TMOD1: variants seen among roughly 807,000 people sequenced by gnomAD.
TMOD1 encodes tropomodulin 1.
In TMOD1, 17 loss-of-function variants were observed where a neutral mutation model predicts 40.6. The observed-to-expected ratio is 0.42, with a 90% confidence interval of 0.29 to 0.63. TMOD1 has a LOEUF of 0.63. Ranked by LOEUF, TMOD1 falls within the 20% of genes least tolerant of loss-of-function variation. The pLI, the probability that TMOD1 is intolerant of heterozygous loss-of-function variation, is 0.22. For synonymous variants in TMOD1, 181 were observed against 175.0 expected (o/e 1.03, Z -0.27); for missense variants, 391 against 447.6 (o/e 0.87, Z 1.14).
At chr9:97,599,569 G>A in intron 9 of TMOD1, 65 bp from the exon 10 acceptor site, 9 of 1,606,214 alleles carry the variant, frequency 5.6e-6, no homozygotes, top group Non-Finnish European at 7.7e-6. Context: ...TGCTTTCTCA[G>A]CAACAGTGCT....
chr9:97,529,404 CAACA>C (rs1185994113), intron 2 of TMOD1, among the ~76,000 whole-genome samples: 1 of 152,110 alleles, frequency 6.6e-6, no homozygotes, highest in African/African-American at 2.4e-5. Flanking sequence ...TACCTGAATT[CAACA>C]AACACTTCAA....
chr9:97,559,815 ATATATATATGTCTATC>A (rs1289264059), intron 4 of TMOD1, among the ~76,000 whole-genome samples: 1 of 53,146 alleles, frequency 1.9e-5, no homozygotes, highest in Non-Finnish European at 3.5e-5. Context: ...ATATATATAT[ATATATATATGTCTATC>A]TATCTATCTA....
At chr9:97,528,838 C>T (rs1484121223) in intron 2 of TMOD1, among the ~76,000 whole-genome samples, 1 of 152,244 alleles carries the variant, frequency 6.6e-6, no homozygotes, top group African/African-American at 2.4e-5. Flanking sequence ...AGGCCACTGC[C>T]CTCTCTGTTA....
chr9:97,524,405 C>T (rs2131221918), intron 2 of TMOD1, 97 bp downstream of exon 2: 2 of 1,437,724 alleles, frequency 1.4e-6, no homozygotes. Context: ...CTTTTTCCTT[C>T]CATGGCAATG....
At chr9:97,536,705 A>G (rs7872664) in intron 2 of TMOD1, among the ~76,000 whole-genome samples, 125,826 of 151,552 alleles carry the variant, frequency 0.83, 52,630 homozygotes, top group African/African-American at 0.93. Flanking sequence ...TATGACTTCA[A>G]GTGAGGCCCC....
chr9:97,601,051 G>A lies in TMOD1; in HGVS notation c.*1353G>A. 1 of 1,303,998 alleles carries A rather than the reference G, an allele frequency of 7.7e-7. No individual in the cohort carries two copies. The highest frequency in any genetic ancestry group is 1.0e-6 in the Non-Finnish European group (1 of 988,822). 80.8% of individuals were successfully genotyped at this position (1,303,998 alleles called of 1,614,324 possible). ...GAAGGCCTGCGCACTGAACTGTAAG[G>A]CAGTGGGCAGTACAGGGTAACTGGA... On this transcript the variant is annotated 3_prime_UTR_variant, in exon 10 of 10. Coordinates refer to ENST00000259365, the MANE Select transcript of TMOD1 (RefSeq NM_003275.4).
intron 9 of TMOD1, among the ~76,000 whole-genome samples, chr9:97,595,533 CTTTTT>C (rs71487335): frequency 2.5e-5 from 3 of 121,682 alleles, no homozygotes; most frequent in East Asian, 2.3e-4. Flanking sequence ...AACAAATTTC[CTTTTT>C]TTTTTTTTTT....
intron 2 of TMOD1, among the ~76,000 whole-genome samples, chr9:97,531,749 C>G (rs897476244): frequency 6.6e-6 from 1 of 152,082 alleles, no homozygotes; most frequent in African/African-American, 2.4e-5. Context: ...TACGCGGTAC[C>G]GGTAGAGAAA....
In TMOD1 at chr9:97,502,672, G is replaced by T. The variant is rs1465243210; in HGVS notation, c.-49+869G>T. The stretch of plus-strand genomic sequence containing the variant: ...CACATGCGGAGACGCTGCAGAAATC[G>T]GAGACTGACTGCCCCAGACTCGATC... On this transcript the variant is annotated intron_variant, in intron 1 of 9. Coordinates refer to ENST00000259365, the MANE Select transcript of TMOD1 (RefSeq NM_003275.4). This position sits in a 1 kb window ranked among gnomAD's most constrained non-coding sequence, Gnocchi z 6.1. 6.6e-6 allele frequency among the ~76,000 whole-genome samples: 1 copy of T among 152,154 alleles called. No individual in the cohort carries two copies.
In TMOD1 at chr9:97,503,677, C is replaced by T. The variant is rs1255553587; in HGVS notation, c.-49+1874C>T. 3.3e-5 allele frequency among the ~76,000 whole-genome samples: 5 copies of T among 152,338 alleles called. No homozygotes were observed. In the East Asian group the frequency reaches 9.6e-4, roughly 29 times the overall value. Reference sequence around the variant, plus strand: ...CTTATCAGGGTCTCACACCTTCTCCCTCCTTCAGGGTAGGGCGTTTTCTTG... The same window carrying T: ...CTTATCAGGGTCTCACACCTTCTCCTTCCTTCAGGGTAGGGCGTTTTCTTG... On this transcript the variant is annotated intron_variant, in intron 1 of 9. Transcript: ENST00000259365.
intron 2 of TMOD1, among the ~76,000 whole-genome samples, chr9:97,540,347 G>A (rs775869296): frequency 4.6e-5 from 7 of 152,302 alleles, no homozygotes; most frequent in Admixed American, 2.6e-4. Flanking sequence ...GTGTTCTCAC[G>A]GTGACTGGTT....
chr9:97,558,967 C>T (rs182537366), intron 4 of TMOD1, among the ~76,000 whole-genome samples: 2 of 152,306 alleles, frequency 1.3e-5, no homozygotes, highest in Admixed American at 6.5e-5. Context: ...CTTGGTCTCC[C>T]AGCAGTCTCG....
chr9:97,515,872 A>G (rs541469118), intron 1 of TMOD1, among the ~76,000 whole-genome samples: 1 of 151,980 alleles, frequency 6.6e-6, no homozygotes, highest in African/African-American at 2.4e-5. Context: ...AGGTGACAAC[A>G]CGCCCCCGGG....
chr9:97,505,584 C>T (rs1048988202), intron 1 of TMOD1, among the ~76,000 whole-genome samples: 1 of 152,182 alleles, frequency 6.6e-6, no homozygotes, highest in Non-Finnish European at 1.5e-5. Flanking sequence ...CTTGGTGCCA[C>T]TCCTACCCCT....
Position 97,557,047 on chromosome 9 carries a change from T to A in TMOD1, c.397+3647T>A, listed in dbSNP as rs1342081242. On this transcript the variant is annotated intron_variant, in intron 4 of 9. Coordinates refer to ENST00000259365, the MANE Select transcript of TMOD1 (RefSeq NM_003275.4). This position sits in a 1 kb window ranked among gnomAD's most constrained non-coding sequence, Gnocchi z 4.4. ...TTCACCTAACTGCTCACTAAGCCAG[T>A]GCACATTATTGAACTCCTACTGTAT... is the stretch of plus-strand genomic sequence containing the variant. 1.3e-5 allele frequency among the ~76,000 whole-genome samples: 2 copies of A among 152,174 alleles called. No homozygotes were observed. The highest frequency in any genetic ancestry group is 3.9e-4 in the East Asian group (2 of 5,190).
rs763478524 is a variant in TMOD1, at chr9:97,565,963, C to T, written c.726+8C>T. 5 of 1,610,678 alleles carry T rather than the reference C, an allele frequency of 3.1e-6. No individual in the cohort carries two copies. The African/African-American group carries it at 6.7e-5, about 22-fold the overall frequency. On this transcript the variant is annotated splice_region_variant and intron_variant, in intron 7 of 9. Coordinates refer to ENST00000259365, the MANE Select transcript of TMOD1 (RefSeq NM_003275.4). ...AATGACCCCGTGGCGTATGTATGTA[C>T]CTTTCTGTTCTGTTGCATTGTGGCT... is the stretch of plus-strand genomic sequence containing the variant.
At chr9:97,562,345 G>T (rs1337115293) in intron 4 of TMOD1, among the ~76,000 whole-genome samples, 3 of 152,184 alleles carry the variant, frequency 2.0e-5, no homozygotes, top group African/African-American at 7.2e-5. Context: ...ACACTGGGAT[G>T]GTCAAATGGG....
chr9:97,566,157 C>A (rs945268678), intron 7 of TMOD1, among the ~76,000 whole-genome samples: 2 of 152,298 alleles, frequency 1.3e-5, no homozygotes, highest in South Asian at 4.1e-4. Context: ...GGCCAATCCT[C>A]ACACCCACTT....
chr9:97,553,428 A>G (rs775146930), intron 4 of TMOD1, 28 bp downstream of exon 4: 1 of 1,613,914 alleles, frequency 6.2e-7, no homozygotes, highest in Non-Finnish European at 8.5e-7. Context: ...AGCTTTCCAC[A>G]TCCTCCAGAA....
Sources: gnomAD v4.1 joint callset for allele counts (sites outside exome capture counted in the v4.1 genomes callset) on GRCh38, gnomAD v4.1.1 for gene constraint, Gnocchi (gnomAD v3.1) non-coding constraint, MANE v1.5 for transcripts, NCBI Gene and HGNC (gene_info 2026-07-23, HGNC 2026-07-21) for gene names.